Variants in AKT3 observed in about 807,000 individuals in gnomAD.
AKT3 encodes RAC-gamma serine/threonine-protein kinase.
In AKT3, 15 loss-of-function variants were observed where a neutral mutation model predicts 65.3. The ratio of observed to expected loss-of-function variants is 0.23; its 90% CI spans 0.15 to 0.35. AKT3 has a LOEUF of 0.35. Ranked by LOEUF, AKT3 falls within the 10% of genes least tolerant of loss-of-function variation. The probability of loss-of-function intolerance (pLI) is 1.00; values close to 1 mark genes in which losing one functional copy is unlikely to be tolerated. For synonymous variants in AKT3, 206 were observed against 183.8 expected (o/e 1.12, Z -0.98); for missense variants, 243 against 576.5 (o/e 0.42, Z 5.92).
rs1338205227 is a variant in AKT3, at chr1:243,847,906, T to G, written c.-113+2134A>C. Among the ~76,000 whole-genome samples the G allele has an allele frequency of 3.3e-5, 5 of 152,180 alleles. No individual in the cohort carries two copies. The East Asian group carries it at 9.6e-4, about 29-fold the overall frequency. ...CAATTTAGAGTCGATGTCAAGATTATTAAGCCAAAAATTAATTTTAAATTG... is the reference window on the plus strand; with the variant it reads ...CAATTTAGAGTCGATGTCAAGATTAGTAAGCCAAAAATTAATTTTAAATTG... On this transcript the variant is annotated intron_variant, in intron 1 of 13. Coordinates refer to ENST00000673466, the MANE Select transcript of AKT3 (RefSeq NM_005465.7).
At chr1:243,680,097 A>G (rs1026687610) in intron 3 of AKT3, among the ~76,000 whole-genome samples, 1 of 152,168 alleles carries the variant, frequency 6.6e-6, no homozygotes, top group African/African-American at 2.4e-5. Flanking sequence ...AGTTATCATG[A>G]ACTATTCTGG....
In AKT3 at chr1:243,840,793, A is replaced by G. The variant is rs74671383; in HGVS notation, c.46+2332T>C. On this transcript the variant is annotated intron_variant, in intron 2 of 13. Transcript: ENST00000673466. ...CTCTAAAGTTAACTGTTAAACAGCT[A>G]TAAGTTTAATCATAAAGGCAACCAA... is the stretch of plus-strand genomic sequence containing the variant. 5.1e-3 allele frequency among the ~76,000 whole-genome samples: 778 copies of G among 152,222 alleles called. 9 individuals are homozygous for G. Among genetic ancestry groups the G allele is most frequent in the African/African-American group, 0.018 (732 of 41,538 alleles).
At chr1:243,791,667 C>A (rs1382021964) in intron 2 of AKT3, among the ~76,000 whole-genome samples, 1 of 152,146 alleles carries the variant, frequency 6.6e-6, no homozygotes, top group Non-Finnish European at 1.5e-5. Context: ...CCCCTTCCCT[C>A]GTCAACAATT....
intron 5 of AKT3, among the ~76,000 whole-genome samples, chr1:243,641,440 T>A (rs1487685068): frequency 6.6e-6 from 1 of 151,338 alleles, no homozygotes; most frequent in Non-Finnish European, 1.5e-5. Context: ...CAAAGTTTCA[T>A]TTGGACAGTA....
intron 3 of AKT3, among the ~76,000 whole-genome samples, chr1:243,683,482 C>T (rs914158515): frequency 1.3e-5 from 2 of 152,048 alleles, no homozygotes; most frequent in Non-Finnish European, 2.9e-5. Flanking sequence ...CTTCAAAACA[C>T]AGTAGGTGCA....
intron 10 of AKT3, among the ~76,000 whole-genome samples, chr1:243,558,045 AT>A (rs1673523927): frequency 6.6e-6 from 1 of 152,104 alleles, no homozygotes; most frequent in Non-Finnish European, 1.5e-5. Context: ...GTGCAAACAT[AT>A]GTAACTTTAG....
chr1:243,530,230 C>T (rs140555785), intron 12 of AKT3, among the ~76,000 whole-genome samples: 63 of 152,114 alleles, frequency 4.1e-4, no homozygotes, highest in African/African-American at 1.4e-3. Flanking sequence ...CAGAGAAAAT[C>T]GGGTTGTTTA....
intron 3 of AKT3, among the ~76,000 whole-genome samples, chr1:243,691,635 G>A (rs985014828): frequency 2.6e-5 from 4 of 152,156 alleles, no homozygotes; most frequent in Non-Finnish European, 2.9e-5. Context: ...GGCATGGAAA[G>A]GATCCATGTT....
chr1:243,518,970 T>C (rs1670537868), intron 12 of AKT3, among the ~76,000 whole-genome samples: 1 of 152,008 alleles, frequency 6.6e-6, no homozygotes. Context: ...GAAGCTTGGG[T>C]GGAAGAATGA....
intron 8 of AKT3, among the ~76,000 whole-genome samples, chr1:243,597,872 G>A (rs1572004055): frequency 6.6e-6 from 1 of 152,208 alleles, no homozygotes; most frequent in Non-Finnish European, 1.5e-5. Flanking sequence ...CTGCCTTGAA[G>A]AAAGCAGCAT....
At chr1:243,822,665 A>G (rs1693931731) in intron 2 of AKT3, among the ~76,000 whole-genome samples, 1 of 152,196 alleles carries the variant, frequency 6.6e-6, no homozygotes, top group Admixed American at 6.6e-5. Flanking sequence ...CTATGCAAAT[A>G]AACTAGAAAA....
intron 2 of AKT3, among the ~76,000 whole-genome samples, chr1:243,775,038 T>C (rs1319408731): frequency 6.6e-6 from 1 of 151,908 alleles, no homozygotes; most frequent in African/African-American, 2.4e-5. Flanking sequence ...AATTTTTGTA[T>C]TTTTTGTAAA....
At chr1:243,595,691 A>G (rs1676559324) in intron 8 of AKT3, among the ~76,000 whole-genome samples, 2 of 152,198 alleles carry the variant, frequency 1.3e-5, no homozygotes, top group South Asian at 4.1e-4. Flanking sequence ...GATCATCAGT[A>G]TCACTGTCTT....
At chr1:243,666,357 G>C (rs868841685) in intron 3 of AKT3, among the ~76,000 whole-genome samples, 1 of 152,044 alleles carries the variant, frequency 6.6e-6, no homozygotes, top group East Asian at 1.9e-4. Flanking sequence ...TCACCCAAGG[G>C]TCTCTGCTTA....
At chr1:243,746,198 C>T (rs970359096) in intron 2 of AKT3, among the ~76,000 whole-genome samples, 1 of 151,884 alleles carries the variant, frequency 6.6e-6, no homozygotes, top group Non-Finnish European at 1.5e-5. Context: ...TGTTTGTCTC[C>T]GTATGTTTTT....
intron 3 of AKT3, among the ~76,000 whole-genome samples, chr1:243,693,243 G>GATATATATAT (rs1172388560): frequency 4.0e-4 from 18 of 45,390 alleles, no homozygotes; most frequent in South Asian, 9.3e-4. Flanking sequence ...GCTACAATTT[G>GATATATATAT]ATATATATAT....
intron 2 of AKT3, among the ~76,000 whole-genome samples, chr1:243,819,015 G>A (rs1053462864): frequency 1.9e-4 from 29 of 152,338 alleles, no homozygotes; most frequent in Non-Finnish European, 2.9e-5. Flanking sequence ...TGTGCAACCC[G>A]TGGGTCAGGT....
chr1:243,526,762 G>A (rs1226174391), intron 12 of AKT3, among the ~76,000 whole-genome samples: 2 of 63,112 alleles, frequency 3.2e-5, no homozygotes, highest in South Asian at 5.6e-4. Flanking sequence ...TTTGCCAGCT[G>A]CACTACAAAA....
At chr1:243,663,154 C>G (rs1364791303) in intron 4 of AKT3, among the ~76,000 whole-genome samples, 1 of 152,138 alleles carries the variant, frequency 6.6e-6, no homozygotes, top group African/African-American at 2.4e-5. Context: ...TCTTTGCTGT[C>G]AAGAATCTTC....
Sources: allele counts gnomAD v4.1 joint callset (sites outside exome capture counted in the v4.1 genomes callset), GRCh38; gene constraint gnomAD v4.1.1; transcripts MANE v1.5; gene names NCBI Gene and HGNC (gene_info 2026-07-23, HGNC 2026-07-21).